Variants in DNAH5 observed in about 807,000 individuals in gnomAD.
DNAH5 encodes the protein axonemal beta dynein heavy chain 5.
Under a neutral mutation model 518.2 loss-of-function variants are expected in DNAH5, and 372 were observed. The observed-to-expected ratio is 0.72, with a 90% CI of 0.66 to 0.78. DNAH5 has a LOEUF of 0.78. DNAH5 is among the 30% of genes least tolerant of loss of function. The probability of loss-of-function intolerance (pLI) is 0.00; values close to 1 mark genes in which losing one functional copy is unlikely to be tolerated. For synonymous variants in DNAH5, 2,039 were observed against 2,025.9 expected (o/e 1.01, Z -0.17); for missense variants, 5,523 against 5,687.0 (o/e 0.97, Z 0.93).
intron 32 of DNAH5, among the ~76,000 whole-genome samples, chr5:13,842,425 A>AGAAAGAGAGAGAGAG (rs760062438): frequency 1.1e-4 from 4 of 38,094 alleles, no homozygotes; most frequent in Non-Finnish European, 2.1e-4. Context: ...AAGAAAAGAA[A>AGAAAGAGAGAGAGAG]AGAAAGAAAG....
rs1769124237 is a variant in DNAH5, at chr5:13,865,577, T to C, written c.4355+91A>G. 6 of 825,302 alleles carry C rather than the reference T, an allele frequency of 7.3e-6. No homozygotes were observed. In the Admixed American group the frequency reaches 1.0e-4, roughly 14 times the overall value. 51.1% of individuals were successfully genotyped at this position (825,302 alleles called of 1,614,324 possible). ...AATGCAGCAAGATGTGCTTTTGAAA[T>C]AGCTGGGGTGAAAAGAGAACTTGGC... On this transcript the variant is annotated intron_variant, in intron 27 of 78. Transcript: ENST00000265104.
At chr5:13,787,905 AT>A (rs1052156886) in intron 51 of DNAH5, among the ~76,000 whole-genome samples, 2 of 152,176 alleles carry the variant, frequency 1.3e-5, no homozygotes, top group African/African-American at 4.8e-5. Flanking sequence ...ATTTCCAATC[AT>A]TTTCAAGATA....
At chr5:13,809,912 G>A (rs918686389) in intron 45 of DNAH5, 147 bp downstream of exon 45, 2 of 834,340 alleles carry the variant, frequency 2.4e-6, no homozygotes, top group African/African-American at 3.4e-5. Flanking sequence ...AGAAACCACT[G>A]TTCACTTTCT....
At chr5:13,698,204 G>A (rs1341708481) in intron 78 of DNAH5, among the ~76,000 whole-genome samples, 5 of 152,106 alleles carry the variant, frequency 3.3e-5, no homozygotes, top group African/African-American at 1.2e-4. Context: ...CCAGAACCAG[G>A]AGCAAAATAA....
chr5:13,729,604 T>G, intron 68 of DNAH5, 44 bp from the exon 69 acceptor site: 1 of 1,528,400 alleles, frequency 6.5e-7, no homozygotes, highest in Non-Finnish European at 8.9e-7. Flanking sequence ...CTTCCTTCAC[T>G]ATAAAACAAT....
intron 1 of DNAH5, among the ~76,000 whole-genome samples, chr5:13,985,431 AT>A (rs1488975196): frequency 0.016 from 6 of 364 alleles, no homozygotes; most frequent in East Asian, 0.25. Context: ...GTATAATAAA[AT>A]ATATATATAT....
chr5:13,713,432 G>C (rs1262395790), intron 75 of DNAH5, among the ~76,000 whole-genome samples: 3 of 28,092 alleles, frequency 1.1e-4, no homozygotes, highest in Admixed American at 5.3e-4. Flanking sequence ...TATATACATC[G>C]ACATATATAT....
At chr5:13,773,869 T>G (rs1328647058) in intron 55 of DNAH5, among the ~76,000 whole-genome samples, 9 of 145,504 alleles carry the variant, frequency 6.2e-5, no homozygotes, top group Admixed American at 2.8e-4. Context: ...AAAGGAGGAG[T>G]GGGTGGGGAG....
chr5:13,695,303 G>C (rs1183012394), intron 78 of DNAH5, among the ~76,000 whole-genome samples: 2 of 152,156 alleles, frequency 1.3e-5, no homozygotes, highest in African/African-American at 2.4e-5. Context: ...TTTTCAGCCT[G>C]TAGCATGATG....
At chr5:13,868,876 G>C (rs1164347869) in intron 24 of DNAH5, among the ~76,000 whole-genome samples, 1 of 152,018 alleles carries the variant, frequency 6.6e-6, no homozygotes, top group Non-Finnish European at 1.5e-5. Context: ...TGTGTGTCTG[G>C]GGGTATGAAA....
chr5:13,870,620 A>T, intron 24 of DNAH5, 147 bp downstream of exon 24: 1 of 779,180 alleles, frequency 1.3e-6, no homozygotes, highest in Non-Finnish European at 2.1e-6. Context: ...GCAATGCTAT[A>T]GGGGTTCGGT....
At chr5:13,847,035 C>T (rs547728954) in intron 31 of DNAH5, among the ~76,000 whole-genome samples, 43 of 152,194 alleles carry the variant, frequency 2.8e-4, no homozygotes, top group South Asian at 2.1e-4. Flanking sequence ...TTTTCTGTCC[C>T]GTTAGACCAG....
At chr5:13,739,285 A>G (rs1173394184) in intron 65 of DNAH5, among the ~76,000 whole-genome samples, 1 of 152,152 alleles carries the variant, frequency 6.6e-6, no homozygotes, top group Non-Finnish European at 1.5e-5. Flanking sequence ...TGGGGTCATG[A>G]GGGCAGTTTC....
chr5:14,008,561 G>A (rs1784893470), intron 1 of DNAH5, among the ~76,000 whole-genome samples: 1 of 151,830 alleles, frequency 6.6e-6, no homozygotes, highest in South Asian at 2.1e-4. Flanking sequence ...AGAATTGCTT[G>A]AACCCTTGGA....
chr5:13,948,243 A>G (rs1780086771), upstream of DNAH5, among the ~76,000 whole-genome samples: 1 of 152,226 alleles, frequency 6.6e-6, no homozygotes, highest in Non-Finnish European at 1.5e-5. Flanking sequence ...CAGACCCTAC[A>G]TGTGAAGAAG....
chr5:13,741,128 T>C (rs953021278), intron 65 of DNAH5, among the ~76,000 whole-genome samples: 5 of 152,144 alleles, frequency 3.3e-5, no homozygotes, highest in Non-Finnish European at 5.9e-5. Flanking sequence ...GTGGAAATGC[T>C]CAATCTCTGA....
At chr5:13,801,893 G>C (rs1397878130) in intron 47 of DNAH5, among the ~76,000 whole-genome samples, 1 of 151,860 alleles carries the variant, frequency 6.6e-6, no homozygotes, top group African/African-American at 2.4e-5. Context: ...CACCTTATAG[G>C]CTGGCTTACA....
intron 17 of DNAH5, among the ~76,000 whole-genome samples, chr5:13,887,937 G>A (rs1009403951): frequency 6.6e-6 from 1 of 152,056 alleles, no homozygotes; most frequent in Non-Finnish European, 1.5e-5. Context: ...CATGACTATA[G>A]CCACCTCCCT....
At chr5:13,941,209 T>G (rs111676569) in intron 1 of DNAH5, among the ~76,000 whole-genome samples, 2,892 of 152,150 alleles carry the variant, frequency 0.019, 90 homozygotes, top group African/African-American at 0.065. Flanking sequence ...AATTAAAAAA[T>G]TAGCCAGATG....
Sources: gnomAD v4.1 joint callset for allele counts (sites outside exome capture counted in the v4.1 genomes callset) on GRCh38, gnomAD v4.1.1 for gene constraint, MANE v1.5 for transcripts, NCBI Gene and HGNC (gene_info 2026-07-23, HGNC 2026-07-21) for gene names.